The following CGGBP1 variants were observed in gnomAD, a reference collection of about 807,000 sequenced individuals.
CGGBP1 encodes CGG triplet repeat binding protein 1.
In CGGBP1, 4 loss-of-function variants were observed where a neutral mutation model predicts 11.4. That is an observed-to-expected ratio of 0.35 (90% CI 0.17 to 0.80). The LOEUF (loss-of-function observed/expected upper bound fraction) is 0.80. Ranked by LOEUF, CGGBP1 falls within the 30% of genes least tolerant of loss-of-function variation. CGGBP1 has a pLI of 0.52. For synonymous variants in CGGBP1, 76 were observed against 74.1 expected (o/e 1.03, Z -0.13); for missense variants, 135 against 202.1 (o/e 0.67, Z 2.01).
intron 2 of CGGBP1, among the ~76,000 whole-genome samples, chr3:88,128,196 TTA>T (rs1706233119): frequency 6.6e-6 from 1 of 152,128 alleles, no homozygotes; most frequent in South Asian, 2.1e-4. Flanking sequence ...CTAATGGTGT[TTA>T]TATATTTTAA....
upstream of CGGBP1, among the ~76,000 whole-genome samples, chr3:88,063,381 C>G (rs1210000994): frequency 6.6e-6 from 1 of 152,132 alleles, no homozygotes; most frequent in African/African-American, 2.4e-5. Flanking sequence ...GGGCCAGGCA[C>G]TGTAATAGGT....
chr3:88,137,893 A>G (rs1706893343), intron 2 of CGGBP1, among the ~76,000 whole-genome samples: 1 of 148,364 alleles, frequency 6.7e-6, no homozygotes, highest in South Asian at 2.1e-4. Context: ...AGGCAGTATG[A>G]TATATATACA....
rs531868473 is a variant in CGGBP1 at position 88,064,066 on chromosome 3, T to C, written c.-228-5843A>G. Among the ~76,000 whole-genome samples the C allele has an allele frequency of 3.3e-5, 5 of 151,888 alleles. No homozygotes were observed. In the East Asian group the frequency reaches 5.8e-4, roughly 18 times the overall value. On this transcript the variant is annotated intron_variant, in intron 2 of 3. Coordinates refer to the CGGBP1 transcript ENST00000462901. ...ACACATGCCTATGATTCTGTCAGTA[T>C]GGAAGAAAACAAGAATGGATATTAT...
At chr3:88,126,677 G>A (rs1022251262) in intron 2 of CGGBP1, among the ~76,000 whole-genome samples, 1 of 149,136 alleles carries the variant, frequency 6.7e-6, no homozygotes, top group Non-Finnish European at 1.5e-5. Context: ...CTTAATGAGG[G>A]CTGGAACTCT....
At chr3:88,117,564 A>G (rs1386549360) in intron 2 of CGGBP1, among the ~76,000 whole-genome samples, 4 of 152,190 alleles carry the variant, frequency 2.6e-5, no homozygotes, top group Non-Finnish European at 5.9e-5. Flanking sequence ...AAAATAAAGA[A>G]TTTACAAATG....
In CGGBP1 at chr3:88,055,289, A is replaced by C; in HGVS notation, c.*184T>G. ...TAGGTTTTGCTTTATACCATTGGTGACTAAAATTAACAATAAGTTTTGCAG... is the reference window on the plus strand; with the variant it reads ...TAGGTTTTGCTTTATACCATTGGTGCCTAAAATTAACAATAAGTTTTGCAG... On this transcript the variant is annotated 3_prime_UTR_variant, in exon 4 of 4. Transcript: ENST00000482016. The surrounding 1 kb of genome is among the most constrained non-coding windows in gnomAD (Gnocchi z 4.2). The C allele has an allele frequency of 2.0e-6, 1 of 494,672 alleles. No individual in the cohort carries two copies. The highest frequency in any genetic ancestry group is 3.4e-6 in the Non-Finnish European group (1 of 294,478). The allele number at this position is 494,672 out of a possible 1,614,324, so 30.6% of individuals were successfully genotyped here.
At chr3:88,118,155 A>G (rs1018446668) in intron 2 of CGGBP1, among the ~76,000 whole-genome samples, 8 of 152,276 alleles carry the variant, frequency 5.3e-5, no homozygotes, top group African/African-American at 1.4e-4. Context: ...AGAAAAGTCT[A>G]TCCTTATCCG....
At chr3:88,132,770 CTG>C (rs1327482267) in intron 2 of CGGBP1, among the ~76,000 whole-genome samples, 1 of 152,164 alleles carries the variant, frequency 6.6e-6, no homozygotes, top group Non-Finnish European at 1.5e-5. Flanking sequence ...AATAAAGATG[CTG>C]AATAGGAATA....
chr3:88,068,029 C>G (rs1707301264), intron 2 of CGGBP1, among the ~76,000 whole-genome samples: 1 of 152,028 alleles, frequency 6.6e-6, no homozygotes, highest in Non-Finnish European at 1.5e-5. Context: ...GGACAACACT[C>G]AAAGCACAAG....
chr3:88,059,417 C>T (rs1390392258), upstream of CGGBP1: 4 of 1,527,818 alleles, frequency 2.6e-6, no homozygotes, highest in Admixed American at 4.1e-5. Flanking sequence ...CTTAGAGCTG[C>T]GGGCGACGGC....
At chr3:88,146,705 T>C (rs1159719066) in intron 1 of CGGBP1, among the ~76,000 whole-genome samples, 1 of 152,224 alleles carries the variant, frequency 6.6e-6, no homozygotes, top group Non-Finnish European at 1.5e-5. Flanking sequence ...TTTTAGTTCA[T>C]GCATTTGTCA....
intron 2 of CGGBP1, among the ~76,000 whole-genome samples, chr3:88,127,707 C>T (rs1264204123): frequency 1.3e-5 from 2 of 152,028 alleles, no homozygotes; most frequent in Non-Finnish European, 2.9e-5. Context: ...GTTGTTCGTT[C>T]GTCTGAGGGC....
At chr3:88,139,853 T>C (rs750258005) in intron 2 of CGGBP1, 1 of 1,594,494 alleles carries the variant, frequency 6.3e-7, no homozygotes, top group Admixed American at 1.8e-5. Flanking sequence ...ATAAAATCAA[T>C]GGAACTGTGT....
Position 88,054,897 on chromosome 3 carries a change from G to C in CGGBP1, c.*576C>G, listed in dbSNP as rs1258878303. 6.7e-6 allele frequency: 1 copy of C among 150,328 alleles called. No individual in the cohort carries two copies. The highest frequency in any genetic ancestry group is 1.5e-5 in the Non-Finnish European group (1 of 67,272). 9.3% of individuals were successfully genotyped at this position (150,328 alleles called of 1,614,324 possible). On this transcript the variant is annotated 3_prime_UTR_variant, in exon 4 of 4. Coordinates refer to ENST00000482016, the MANE Select transcript of CGGBP1 (RefSeq NM_001008390.2). ...AGCCTTTAAAATGGGGGCGGGGGAA[G>C]TATGGAATTGAAAGATAGTTAAGGT...
At chr3:88,110,447 C>G (rs1016842400) in intron 2 of CGGBP1, among the ~76,000 whole-genome samples, 3 of 152,086 alleles carry the variant, frequency 2.0e-5, no homozygotes, top group Non-Finnish European at 4.4e-5. Context: ...TGGCACTGAT[C>G]ATTGAATTTC....
chr3:88,117,861 A>C (rs1348475251), intron 2 of CGGBP1, among the ~76,000 whole-genome samples: 1 of 152,080 alleles, frequency 6.6e-6, no homozygotes, highest in Non-Finnish European at 1.5e-5. Flanking sequence ...GAAGTGCAGC[A>C]TAGAGAAAGT....
In CGGBP1 at chr3:88,076,753, A is replaced by G. The variant is rs148746616; in HGVS notation, c.-228-18530T>C. 2.6e-5 allele frequency among the ~76,000 whole-genome samples: 4 copies of G among 152,302 alleles called. No homozygotes were observed. The East Asian group carries it at 5.8e-4, about 22-fold the overall frequency. ...TATTTATGACGGAAGCATTTAATATATTACTCTCAGCTCTGATTTTGGAAT... is the reference window on the plus strand; with the variant it reads ...TATTTATGACGGAAGCATTTAATATGTTACTCTCAGCTCTGATTTTGGAAT... On this transcript the variant is annotated intron_variant, in intron 2 of 3. Coordinates refer to the CGGBP1 transcript ENST00000462901.
chr3:88,104,906 A>G (rs191528887), intron 2 of CGGBP1, among the ~76,000 whole-genome samples: 4 of 152,382 alleles, frequency 2.6e-5, no homozygotes, highest in African/African-American at 9.6e-5. Context: ...TGGAAGGCCA[A>G]GGTGGGCAGA....
chr3:88,143,626 A>C (rs116820390), intron 1 of CGGBP1: 8,507 of 152,356 alleles, frequency 0.056, 263 homozygotes, highest in Admixed American at 0.078. Context: ...CATGCCCACA[A>C]AGTATTCCAT....
Sources: allele counts gnomAD v4.1 joint callset (sites outside exome capture counted in the v4.1 genomes callset), GRCh38; gene constraint gnomAD v4.1.1; non-coding constraint Gnocchi (gnomAD v3.1); transcripts MANE v1.5; gene names NCBI Gene and HGNC (gene_info 2026-07-23, HGNC 2026-07-21).